Variants in DSCAM observed in about 807,000 individuals in gnomAD.
DSCAM encodes DS cell adhesion molecule.
A neutral mutation model predicts 217.7 loss-of-function variants in DSCAM; 47 were observed. The ratio of observed to expected loss-of-function variants is 0.22; its 90% confidence interval spans 0.17 to 0.28. The LOEUF is 0.28. Among genes scored for constraint, DSCAM ranks in the 10% least tolerant of loss-of-function variants. DSCAM has a pLI of 1.00. For synonymous variants in DSCAM, 1,056 were observed against 1,015.3 expected (o/e 1.04, Z -0.76); for missense variants, 2,080 against 2,618.3 (o/e 0.79, Z 4.49).
chr21:40,708,394 T>G, intron 2 of DSCAM, 60 bp downstream of exon 2: 1 of 1,338,642 alleles, frequency 7.5e-7, no homozygotes, highest in East Asian at 2.6e-5. Flanking sequence ...TATGTGTCAT[T>G]GTCATTATCC....
chr21:40,028,984 T>G (rs1208440089), intron 32 of DSCAM, among the ~76,000 whole-genome samples: 3 of 151,762 alleles, frequency 2.0e-5, no homozygotes, highest in African/African-American at 7.3e-5. Context: ...ACCTGAATTT[T>G]GAATTTGCCT....
chr21:40,567,585 A>G (rs1197276132), intron 3 of DSCAM, among the ~76,000 whole-genome samples: 4 of 152,208 alleles, frequency 2.6e-5, no homozygotes, highest in Non-Finnish European at 5.9e-5. Context: ...CTCTATAATT[A>G]TCCATACGCC....
At chr21:40,112,337 A>C (rs879503281) in intron 20 of DSCAM, among the ~76,000 whole-genome samples, 2 of 151,858 alleles carry the variant, frequency 1.3e-5, no homozygotes, top group Non-Finnish European at 2.9e-5. Flanking sequence ...AACGAAATGA[A>C]GGCAGAAATA....
At chr21:40,545,109 A>G (rs912635092) in intron 3 of DSCAM, among the ~76,000 whole-genome samples, 2 of 152,192 alleles carry the variant, frequency 1.3e-5, no homozygotes, top group African/African-American at 4.8e-5. Flanking sequence ...ATGAAAAGAC[A>G]TGAGAGCTTG....
At chr21:40,845,605 T>G (rs1263014025) in intron 1 of DSCAM, among the ~76,000 whole-genome samples, 1 of 151,390 alleles carries the variant, frequency 6.6e-6, no homozygotes, top group Non-Finnish European at 1.5e-5. Context: ...CTCCCTCCTC[T>G]CTTTCTCTCT....
At chr21:40,540,364 A>G (rs1223422224) in intron 3 of DSCAM, among the ~76,000 whole-genome samples, 1 of 152,142 alleles carries the variant, frequency 6.6e-6, no homozygotes, top group Non-Finnish European at 1.5e-5. Flanking sequence ...CTCCGCTCCC[A>G]CAGGACTCAG....
chr21:40,729,251 G>A (rs772563491), intron 1 of DSCAM, among the ~76,000 whole-genome samples: 1 of 152,196 alleles, frequency 6.6e-6, no homozygotes, highest in Non-Finnish European at 1.5e-5. Flanking sequence ...ACTCTGTCGT[G>A]AGGAACAGAG....
intron 1 of DSCAM, among the ~76,000 whole-genome samples, chr21:40,774,616 A>G (rs903794517): frequency 1.3e-5 from 2 of 152,242 alleles, no homozygotes; most frequent in Non-Finnish European, 2.9e-5. Context: ...ATGAAGATAA[A>G]ATTAATCTGA....
rs751560310 is a variant in DSCAM at position 40,296,167 on chromosome 21, G to T, written c.2070C>A (p.Pro690=). 22 of 1,613,772 alleles carry T rather than the reference G, an allele frequency of 1.4e-5. No homozygotes were observed. Among genetic ancestry groups the T allele is most frequent in the Non-Finnish European group, 1.8e-5 (21 of 1,179,932 alleles). Residue 690 remains proline, a synonymous_variant, in exon 10 of 33, where the codon CCC becomes CCA. Transcript: ENST00000400454. The stretch of plus-strand genomic sequence containing the variant: ...GGTCCCGTGGCTGAACCACAAACTT[G>T]GGAGGAACTGAAAAGAGAGAAATGT... The part of the protein sequence containing the change: ...HQSQLIVRVP[P]KFVVQPRDQD...
chr21:40,032,195 T>G lies in DSCAM; in HGVS notation c.5686+10176A>C, dbSNP rs977060892. ...TCCCCAATGTGTGGTTCCTTGTGGC[T>G]GTTGTGTGGGAACTGTATCCATCTT... On this transcript the variant is annotated intron_variant, in intron 32 of 32. Transcript: ENST00000400454. 3.9e-5 allele frequency among the ~76,000 whole-genome samples: 6 copies of G among 152,294 alleles called. No individual in the cohort carries two copies. In the East Asian group the frequency reaches 9.7e-4, roughly 25 times the overall value.
intron 4 of DSCAM, among the ~76,000 whole-genome samples, chr21:40,360,362 C>T (rs997124041): frequency 1.3e-5 from 2 of 152,018 alleles, no homozygotes. Flanking sequence ...TCTCTATCTC[C>T]TGACCTTGTG....
At chr21:40,563,109 A>G (rs1251257164) in intron 3 of DSCAM, among the ~76,000 whole-genome samples, 3 of 117,122 alleles carry the variant, frequency 2.6e-5, no homozygotes, top group Non-Finnish European at 5.9e-5. Flanking sequence ...TATCTAGGAG[A>G]GCCACCACAT....
rs1231960882 is a variant in DSCAM at position 40,044,127 on chromosome 21, T to C, written c.5334A>G (p.Ser1778=). The C allele has an allele frequency of 6.2e-7, 1 of 1,614,154 alleles. No homozygotes were observed. The highest frequency in any genetic ancestry group is 8.5e-7 in the Non-Finnish European group (1 of 1,180,032). ...TGTAACTGTCGCTCTCTTTGTCTAC[T>C]GATCCTGCAGCCCTGGGTGTTGGCA... is the stretch of plus-strand genomic sequence containing the variant. The part of the protein sequence containing the change: ...WRLPTPRAAG[S]VDKESDSYSV... Residue 1778 remains serine (S), a synonymous_variant, in exon 31 of 33, where the codon TCA becomes TCG. Transcript: ENST00000400454.
chr21:40,210,500 T>C (rs529134960), intron 11 of DSCAM, among the ~76,000 whole-genome samples: 135 of 152,326 alleles, frequency 8.9e-4, no homozygotes, highest in African/African-American at 3.2e-3. Flanking sequence ...CATGGGAACA[T>C]TCCCAGTTAA....
intron 3 of DSCAM, among the ~76,000 whole-genome samples, chr21:40,559,096 C>T (rs1399391148): frequency 2.0e-5 from 3 of 152,080 alleles, no homozygotes; most frequent in Non-Finnish European, 2.9e-5. Flanking sequence ...GTAGGAGATG[C>T]AATGATACAA....
chr21:40,521,517 T>C (rs1343910261), intron 3 of DSCAM, among the ~76,000 whole-genome samples: 1 of 152,210 alleles, frequency 6.6e-6, no homozygotes, highest in Non-Finnish European at 1.5e-5. Context: ...TTAGTGATGC[T>C]GAGAATGTTT....
intron 11 of DSCAM, among the ~76,000 whole-genome samples, chr21:40,223,771 T>C (rs2091308766): frequency 6.6e-6 from 1 of 152,178 alleles, no homozygotes; most frequent in Non-Finnish European, 1.5e-5. Context: ...GTTAGAATGG[T>C]TTCTGAGTAT....
At chr21:40,825,270 C>T (rs746935405) in intron 1 of DSCAM, among the ~76,000 whole-genome samples, 7 of 44,936 alleles carry the variant, frequency 1.6e-4, no homozygotes, top group African/African-American at 4.4e-4. Context: ...TCTTTCTTTC[C>T]TTCCTTCCTT....
At chr21:40,560,867 T>G (rs780523077) in intron 3 of DSCAM, among the ~76,000 whole-genome samples, 2 of 152,158 alleles carry the variant, frequency 1.3e-5, no homozygotes, top group Admixed American at 6.5e-5. Flanking sequence ...AAATCTGAAG[T>G]ATGGTTTCTA....
Sources: allele counts gnomAD v4.1 joint callset (sites outside exome capture counted in the v4.1 genomes callset), GRCh38; gene constraint gnomAD v4.1.1; transcripts MANE v1.5; gene names NCBI Gene and HGNC (gene_info 2026-07-23, HGNC 2026-07-21).